KCND2: variants seen among roughly 807,000 people sequenced by gnomAD.
KCND2 encodes potassium voltage-gated channel subfamily D member 2.
KCND2 carries 16 observed loss-of-function variants against 54.4 expected under a neutral mutation model. The ratio of observed to expected loss-of-function variants is 0.29; its 90% CI spans 0.20 to 0.45. KCND2 has a LOEUF of 0.45. Among genes scored for constraint, KCND2 ranks in the 20% least tolerant of loss-of-function variants. The pLI, the probability that KCND2 is intolerant of heterozygous loss-of-function variation, is 1.00. For missense variants in KCND2, 486 were observed against 824.2 expected, an observed-to-expected ratio of 0.59 and a Z score of 5.02; for synonymous variants, 317 against 310.7, an observed-to-expected ratio of 1.02 and a Z score of -0.21.
chr7:120,659,499 C>T lies in KCND2; in HGVS notation c.1116-73404C>T, dbSNP rs191515746. Among the ~76,000 whole-genome samples, 220 of 152,180 alleles carry T rather than the reference C, an allele frequency of 1.4e-3. 1 individual carries two copies. The highest frequency in any genetic ancestry group is 5.2e-3 in the African/African-American group (216 of 41,516). ...GGAATTATGTGTCATATTTAAATTC[C>T]GTATATACAATAGTGGAAAATTACT... On this transcript the variant is annotated intron_variant, in intron 1 of 5. Transcript: ENST00000331113.
intron 1 of KCND2, among the ~76,000 whole-genome samples, chr7:120,465,425 G>A (rs1486454630): frequency 6.6e-6 from 1 of 151,588 alleles, no homozygotes; most frequent in African/African-American, 2.4e-5. Context: ...AGGTTTCCAT[G>A]AAGAAACCTG....
intron 1 of KCND2, among the ~76,000 whole-genome samples, chr7:120,715,454 T>C (rs1273898161): frequency 6.6e-6 from 1 of 152,092 alleles, no homozygotes; most frequent in Admixed American, 6.6e-5. Flanking sequence ...TACTCCATGA[T>C]AATGAGATGC....
chr7:120,733,953 G>A (rs1792840160), intron 2 of KCND2, among the ~76,000 whole-genome samples: 1 of 152,038 alleles, frequency 6.6e-6, no homozygotes, highest in Admixed American at 6.6e-5. Flanking sequence ...TTTCACAAAA[G>A]AATTCATATG....
At chr7:120,426,080 A>G (rs1269383448) in intron 1 of KCND2, among the ~76,000 whole-genome samples, 1 of 152,168 alleles carries the variant, frequency 6.6e-6, no homozygotes, top group Non-Finnish European at 1.5e-5. Flanking sequence ...TTTAAAAATG[A>G]ATAAGAAAAT....
chr7:120,410,572 G>C (rs1343318919), intron 1 of KCND2, among the ~76,000 whole-genome samples: 1 of 151,690 alleles, frequency 6.6e-6, no homozygotes, highest in African/African-American at 2.4e-5. Context: ...TATACTTTAA[G>C]TTCTAGGATA....
chr7:120,729,060 C>T (rs1325022130), intron 1 of KCND2, among the ~76,000 whole-genome samples: 1 of 152,066 alleles, frequency 6.6e-6, no homozygotes, highest in Non-Finnish European at 1.5e-5. Flanking sequence ...GATGTGATTC[C>T]TGAGGTGTAT....
At chr7:120,408,216 C>T (rs527418721) in intron 1 of KCND2, among the ~76,000 whole-genome samples, 15 of 151,998 alleles carry the variant, frequency 9.9e-5, no homozygotes, top group African/African-American at 3.1e-4. Flanking sequence ...AAAATATCAT[C>T]ACTAATCAAT....
intron 1 of KCND2, among the ~76,000 whole-genome samples, chr7:120,536,063 C>A (rs1364475499): frequency 6.6e-6 from 1 of 152,086 alleles, no homozygotes; most frequent in Non-Finnish European, 1.5e-5. Context: ...AATAGGCTTA[C>A]CTCAGAGATA....
In KCND2 at chr7:120,733,985, A is replaced by G. The variant is rs541851717; in HGVS notation, c.1278+920A>G. On this transcript the variant is annotated intron_variant, in intron 2 of 5. Transcript: ENST00000331113. ...TATGTTAAAAGACAAACCTTAGCCA[A>G]ATTAAATTGAAAAGTTTAATTGAGC... Among the ~76,000 whole-genome samples the G allele has an allele frequency of 2.6e-4, 40 of 152,230 alleles. 1 individual carries two copies. The highest frequency in any genetic ancestry group is 9.1e-4 in the African/African-American group (38 of 41,562).
intron 1 of KCND2, among the ~76,000 whole-genome samples, chr7:120,591,161 A>G (rs1792667008): frequency 1.3e-5 from 2 of 152,196 alleles, no homozygotes; most frequent in African/African-American, 4.8e-5. Flanking sequence ...TAATGCTTCA[A>G]ATTTCAACCT....
intron 1 of KCND2, among the ~76,000 whole-genome samples, chr7:120,417,094 G>C (rs569515751): frequency 6.6e-6 from 1 of 152,286 alleles, no homozygotes; most frequent in Admixed American, 6.5e-5. Context: ...TGATCCACCT[G>C]CCTCAGTCTC....
At chr7:120,582,334 A>G (rs1045199054) in intron 1 of KCND2, among the ~76,000 whole-genome samples, 2 of 151,964 alleles carry the variant, frequency 1.3e-5, no homozygotes, top group Non-Finnish European at 2.9e-5. Flanking sequence ...AACGTTCCCA[A>G]TTAAGTTTTT....
intron 1 of KCND2, among the ~76,000 whole-genome samples, chr7:120,638,741 T>C (rs1793336711): frequency 1.3e-5 from 2 of 152,192 alleles, no homozygotes; most frequent in Admixed American, 6.6e-5. Flanking sequence ...TGGAAAGTCC[T>C]CTCTGGAAAT....
chr7:120,422,437 G>A (rs1801639066), intron 1 of KCND2, among the ~76,000 whole-genome samples: 1 of 152,046 alleles, frequency 6.6e-6, no homozygotes, highest in African/African-American at 2.4e-5. Context: ...CTGGGTTTGC[G>A]CTAGTTCCAC....
At chr7:120,604,542 ATAATAATAATAT>A (rs1792856756) in intron 1 of KCND2, among the ~76,000 whole-genome samples, 1 of 146,816 alleles carries the variant, frequency 6.8e-6, no homozygotes, top group Non-Finnish European at 1.5e-5. Flanking sequence ...AATAATAATA[ATAATAATAATAT>A]TACTAATTAA....
At chr7:120,408,246 G>A (rs1329151191) in intron 1 of KCND2, among the ~76,000 whole-genome samples, 1 of 151,960 alleles carries the variant, frequency 6.6e-6, no homozygotes, top group South Asian at 2.1e-4. Flanking sequence ...CAAAAGAGGA[G>A]CAGAATGAGA....
intron 1 of KCND2, among the ~76,000 whole-genome samples, chr7:120,454,326 A>G (rs892018528): frequency 6.6e-6 from 1 of 152,164 alleles, no homozygotes; most frequent in Non-Finnish European, 1.5e-5. Flanking sequence ...CAAAGAAAAA[A>G]GAGAGAAGAG....
At chr7:120,589,318 A>G (rs1419753659) in intron 1 of KCND2, among the ~76,000 whole-genome samples, 2 of 152,364 alleles carry the variant, frequency 1.3e-5, no homozygotes, top group Admixed American at 1.3e-4. Flanking sequence ...ACAAGAATAA[A>G]TAAAAATTTA....
chr7:120,331,943 G>A (rs990223315), intron 1 of KCND2, among the ~76,000 whole-genome samples: 7 of 152,030 alleles, frequency 4.6e-5, no homozygotes, highest in Non-Finnish European at 7.4e-5. Flanking sequence ...AATTTTATTT[G>A]TATTTTATTC....
Sources: gnomAD v4.1 joint callset for allele counts (sites outside exome capture counted in the v4.1 genomes callset) on GRCh38, gnomAD v4.1.1 for gene constraint, MANE v1.5 for transcripts, NCBI Gene and HGNC (gene_info 2026-07-23, HGNC 2026-07-21) for gene names.